The following KTN1 variants were observed in gnomAD, a reference collection of about 807,000 sequenced individuals.
KTN1 encodes the protein kinectin 1, also known as kinectin.
Under a neutral mutation model 222.5 loss-of-function variants are expected in KTN1, and 130 were observed. That is an observed-to-expected ratio of 0.58 (90% CI 0.51 to 0.68). The LOEUF is 0.68. KTN1 is among the 30% of genes least tolerant of loss of function. The pLI is 0.00. For missense variants in KTN1, 1,508 were observed against 1,500.4 expected, an observed-to-expected ratio of 1.01 and a Z score of -0.08; for synonymous variants, 512 against 496.3, an observed-to-expected ratio of 1.03 and a Z score of -0.42.
intron 1 of KTN1, among the ~76,000 whole-genome samples, chr14:55,607,091 G>T (rs867391177): frequency 2.0e-5 from 3 of 151,916 alleles, no homozygotes; most frequent in African/African-American, 7.3e-5. Context: ...AATAATTGCC[G>T]CCAGATTTTT....
intron 1 of KTN1, among the ~76,000 whole-genome samples, chr14:55,594,177 A>G (rs2034635974): frequency 2.0e-5 from 3 of 152,110 alleles, no homozygotes. Flanking sequence ...GGAAGTCGTT[A>G]TCTTCATTTC....
At chr14:55,635,076 C>G (rs769796895) in intron 9 of KTN1, among the ~76,000 whole-genome samples, 1 of 152,016 alleles carries the variant, frequency 6.6e-6, no homozygotes, top group Non-Finnish European at 1.5e-5. Context: ...CTAACCATAT[C>G]AGTAGGTATT....
chr14:55,672,528 C>T, intron 37 of KTN1, 102 bp from the exon 38 acceptor site: 1 of 677,972 alleles, frequency 1.5e-6, no homozygotes, highest in Non-Finnish European at 2.6e-6. Flanking sequence ...AGATGCATTT[C>T]AAAACCTTGG....
chr14:55,615,176 AT>A (rs992586904), intron 2 of KTN1, among the ~76,000 whole-genome samples: 1 of 152,158 alleles, frequency 6.6e-6, no homozygotes, highest in Admixed American at 6.5e-5. Context: ...TATTTTATTT[AT>A]TTTTATTGTG....
intron 11 of KTN1, among the ~76,000 whole-genome samples, 191 bp from the exon 12 acceptor site, chr14:55,637,588 C>T (rs1330971168): frequency 6.6e-6 from 1 of 151,058 alleles, no homozygotes; most frequent in East Asian, 1.9e-4. Flanking sequence ...ACAAACATAT[C>T]TTTAACTTCT....
intron 33 of KTN1, among the ~76,000 whole-genome samples, chr14:55,665,512 T>C (rs1335143533): frequency 6.6e-6 from 1 of 152,054 alleles, no homozygotes; most frequent in East Asian, 1.9e-4. Flanking sequence ...AGCATACGTG[T>C]AAAGGGATGT....
rs1454270609 is a variant in KTN1, at chr14:55,598,165, G to A, written c.-30-13854G>A. ...AATATTGCTTTCTCGGCAGGGCGCG[G>A]TGGCTCACGCCTGTAATCCCAGCAC... On this transcript the variant is annotated intron_variant, in intron 1 of 43. Transcript: ENST00000395314. Among the ~76,000 whole-genome samples the A allele has an allele frequency of 3.3e-5, 5 of 152,230 alleles. No homozygotes were observed. In the East Asian group the frequency reaches 7.8e-4, roughly 24 times the overall value.
chr14:55,628,880 A>T (rs2040170699), intron 6 of KTN1, among the ~76,000 whole-genome samples: 1 of 152,232 alleles, frequency 6.6e-6, no homozygotes, highest in African/African-American at 2.4e-5. Context: ...TGATGTGTAT[A>T]CTTCTAAGTA....
intron 43 of KTN1, chr14:55,680,361 G>C: frequency 5.7e-6 from 1 of 175,836 alleles, no homozygotes; most frequent in Non-Finnish European, 1.2e-5. Context: ...TGTTTTTCTG[G>C]TTGTAGGGTT....
intron 1 of KTN1, among the ~76,000 whole-genome samples, chr14:55,598,820 A>C (rs1238971062): frequency 6.6e-6 from 1 of 152,220 alleles, no homozygotes; most frequent in Non-Finnish European, 1.5e-5. Flanking sequence ...ACAAATGTTT[A>C]AATATCTTTT....
At chr14:55,654,987 T>A (rs2043317340) in intron 28 of KTN1, among the ~76,000 whole-genome samples, 1 of 152,122 alleles carries the variant, frequency 6.6e-6, no homozygotes, top group South Asian at 2.1e-4. Flanking sequence ...TCTTTTCTTT[T>A]CTTTTTTTTT....
At chr14:55,586,709 T>C (rs943743748) in intron 1 of KTN1, among the ~76,000 whole-genome samples, 2 of 152,152 alleles carry the variant, frequency 1.3e-5, no homozygotes, top group Non-Finnish European at 2.9e-5. Flanking sequence ...AATTAGAAGA[T>C]TAATTCTTAA....
chr14:55,671,440 G>A (rs368682209), intron 35 of KTN1, 126 bp from the exon 36 acceptor site: 1 of 634,988 alleles, frequency 1.6e-6, no homozygotes, highest in Non-Finnish European at 2.7e-6. Flanking sequence ...AGGTTGAAAT[G>A]TAGTGTTTCC....
intron 43 of KTN1, chr14:55,680,887 T>G (rs1291325113): frequency 2.6e-6 from 1 of 381,384 alleles, no homozygotes; most frequent in African/African-American, 2.1e-5. Context: ...TCTGCCACAT[T>G]TCCTCGCTTT....
intron 18 of KTN1, chr14:55,644,539 T>C: frequency 1.7e-6 from 1 of 578,244 alleles, no homozygotes; most frequent in Non-Finnish European, 3.2e-6. Context: ...TTTACTAATA[T>C]TTCATTTACT....
intron 18 of KTN1, among the ~76,000 whole-genome samples, chr14:55,644,053 ACT>A (rs1337433365): frequency 2.0e-5 from 3 of 152,078 alleles, no homozygotes; most frequent in Non-Finnish European, 4.4e-5. Flanking sequence ...TGTTCTTCTG[ACT>A]CTGAAAGCTT....
intron 5 of KTN1, among the ~76,000 whole-genome samples, chr14:55,626,115 TATA>T (rs1056714268): frequency 2.0e-5 from 3 of 152,164 alleles, no homozygotes; most frequent in African/African-American, 7.2e-5. Context: ...GGAAGTTATA[TATA>T]ATGTTCTTGA....
intron 13 of KTN1, 62 bp downstream of exon 13, chr14:55,639,284 T>A (rs2041504580): frequency 1.6e-5 from 18 of 1,151,880 alleles, no homozygotes. Context: ...ACTTGTTAGA[T>A]GCGACACTTA....
intron 7 of KTN1, among the ~76,000 whole-genome samples, chr14:55,630,761 T>C (rs139906337): frequency 2.0e-5 from 3 of 152,338 alleles, no homozygotes; most frequent in African/African-American, 7.2e-5. Flanking sequence ...ATTATACTAC[T>C]ATTTTAAATT....
Sources: allele counts gnomAD v4.1 joint callset (sites outside exome capture counted in the v4.1 genomes callset), GRCh38; gene constraint gnomAD v4.1.1; transcripts MANE v1.5; gene names NCBI Gene and HGNC (gene_info 2026-07-23, HGNC 2026-07-21).